Variants in FTCDNL1 observed in about 807,000 individuals in gnomAD.
FTCDNL1 encodes formiminotransferase cyclodeaminase N-terminal like.
FTCDNL1 carries 11 observed loss-of-function variants against 5.9 expected under a neutral mutation model. That is an observed-to-expected ratio of 1.87 (90% CI 1.18 to 3.10). The LOEUF (loss-of-function observed/expected upper bound fraction) is 3.10, where lower values mean the gene tolerates loss of function less well. Among genes scored for constraint, FTCDNL1 ranks in the 30% most tolerant of loss-of-function variants. The pLI, the probability that FTCDNL1 is intolerant of heterozygous loss-of-function variation, is 0.00. For synonymous variants in FTCDNL1, 58 were observed against 24.8 expected (o/e 2.34, Z -3.99); for missense variants, 115 against 65.5 (o/e 1.76, Z -2.61).
intron 3 of FTCDNL1, among the ~76,000 whole-genome samples, chr2:199,798,638 C>G (rs12693901): frequency 0.65 from 98,063 of 152,004 alleles, 32,730 homozygotes; most frequent in East Asian, 0.85. Context: ...GTGAGCGGCA[C>G]AGAGAGATCA....
intron 3 of FTCDNL1, among the ~76,000 whole-genome samples, chr2:199,835,969 C>T (rs1574663621): frequency 1.3e-5 from 2 of 152,254 alleles, no homozygotes; most frequent in South Asian, 2.1e-4. Context: ...TCTTAAGAGA[C>T]CTTTTACCTA....
At chr2:199,705,251 T>G in the FTCDNL1 span, among the ~76,000 whole-genome samples, 122 of 152,270 alleles carry the variant, frequency 8.0e-4, 2 homozygotes, top group South Asian at 0.021. Context: ...TAAAAGAACA[T>G]AAGTACTATG....
intron 3 of FTCDNL1, among the ~76,000 whole-genome samples, chr2:199,799,995 T>C (rs1700363672): frequency 6.6e-6 from 1 of 151,972 alleles, no homozygotes; most frequent in South Asian, 2.1e-4. Flanking sequence ...CCATGGAGGT[T>C]ACAGGATAAT....
chr2:199,841,227 GA>G (rs1362599801), intron 3 of FTCDNL1, among the ~76,000 whole-genome samples: 1 of 151,346 alleles, frequency 6.6e-6, no homozygotes, highest in Non-Finnish European at 1.5e-5. Flanking sequence ...AGTTTTTATA[GA>G]AAATGAAAAC....
the FTCDNL1 span, among the ~76,000 whole-genome samples, chr2:199,724,223 T>C: frequency 6.6e-6 from 1 of 152,204 alleles, no homozygotes; most frequent in Non-Finnish European, 1.5e-5. Context: ...GTGGGGTCAG[T>C]GGTGATATCC....
chr2:199,724,706 T>G, the FTCDNL1 span, among the ~76,000 whole-genome samples: 2 of 152,222 alleles, frequency 1.3e-5, no homozygotes, highest in Middle Eastern at 3.2e-3. Flanking sequence ...TGTGAGTTTT[T>G]AAATCTTGAG....
chr2:199,836,999 G>A (rs934628488), intron 3 of FTCDNL1, among the ~76,000 whole-genome samples: 1 of 152,210 alleles, frequency 6.6e-6, no homozygotes, highest in Non-Finnish European at 1.5e-5. Flanking sequence ...GCCACAGTAA[G>A]AGAAAAGAGT....
chr2:199,830,706 C>T (rs1003990723), intron 3 of FTCDNL1, among the ~76,000 whole-genome samples: 3 of 152,106 alleles, frequency 2.0e-5, no homozygotes, highest in African/African-American at 7.2e-5. Context: ...AACAAAGCGA[C>T]CGCAATATTC....
chr2:199,781,720 G>A (rs1260041698), intron 3 of FTCDNL1, among the ~76,000 whole-genome samples: 1 of 152,066 alleles, frequency 6.6e-6, no homozygotes, highest in African/African-American at 2.4e-5. Context: ...TACATATTTG[G>A]CAGACAAAAT....
the FTCDNL1 span, among the ~76,000 whole-genome samples, chr2:199,711,497 G>C: frequency 2.6e-5 from 4 of 152,134 alleles, no homozygotes; most frequent in African/African-American, 9.6e-5. Context: ...TTTTCCCTCA[G>C]GAGTCTTTGT....
chr2:199,809,273 AATAGAG>A lies in FTCDNL1; in HGVS notation c.*3426_*3431del, dbSNP rs932950514. On this transcript the variant is annotated 3_prime_UTR_variant, in exon 5 of 5. Transcript: ENST00000420128. ...TTTTTTTTTTAACTTTTTTTTTTCT[AATAGAG>A]ATAGTCTCACTACATTGACCAAGCT... Among the ~76,000 whole-genome samples, 2 of 149,938 alleles carry A rather than the reference AATAGAG, an allele frequency of 1.3e-5. No homozygotes were observed. Among genetic ancestry groups the A allele is most frequent in the Non-Finnish European group, 3.0e-5 (2 of 67,574 alleles).
intron 3 of FTCDNL1, among the ~76,000 whole-genome samples, chr2:199,834,628 T>G (rs1702593286): frequency 6.6e-6 from 1 of 152,108 alleles, no homozygotes; most frequent in African/African-American, 2.4e-5. Flanking sequence ...CCGCCAATAC[T>G]AGTTTGATCA....
chr2:199,771,431 C>A (rs1488197813), intron 3 of FTCDNL1, among the ~76,000 whole-genome samples: 1 of 152,146 alleles, frequency 6.6e-6, no homozygotes, highest in African/African-American at 2.4e-5. Flanking sequence ...GCATTAGCTG[C>A]TGATTTAAAT....
the FTCDNL1 span, among the ~76,000 whole-genome samples, chr2:199,673,182 T>C: frequency 6.7e-6 from 1 of 148,816 alleles, no homozygotes; most frequent in East Asian, 2.3e-4. Context: ...ACAAAAATTA[T>C]CTGGGTGTGG....
At chr2:199,785,969 C>T (rs1027697031) in intron 3 of FTCDNL1, among the ~76,000 whole-genome samples, 1 of 152,118 alleles carries the variant, frequency 6.6e-6, no homozygotes, top group Non-Finnish European at 1.5e-5. Context: ...GAGCACACAG[C>T]CTATATCCCC....
At chr2:199,693,280 T>C in the FTCDNL1 span, among the ~76,000 whole-genome samples, 1 of 152,206 alleles carries the variant, frequency 6.6e-6, no homozygotes, top group Non-Finnish European at 1.5e-5. Context: ...TAGAAAACAC[T>C]GTTATATGCA....
the FTCDNL1 span, among the ~76,000 whole-genome samples, chr2:199,666,677 G>T: frequency 1.3e-5 from 2 of 152,122 alleles, no homozygotes; most frequent in African/African-American, 4.8e-5. Context: ...AGCACTTTGG[G>T]AGGCCGAGGT....
chr2:199,688,691 C>T, the FTCDNL1 span, among the ~76,000 whole-genome samples: 1 of 152,196 alleles, frequency 6.6e-6, no homozygotes, highest in African/African-American at 2.4e-5. Flanking sequence ...GAGAAAGATT[C>T]AGTTTTTTAT....
At chr2:199,836,698 C>G (rs1702767788) in intron 3 of FTCDNL1, among the ~76,000 whole-genome samples, 1 of 152,014 alleles carries the variant, frequency 6.6e-6, no homozygotes, top group Non-Finnish European at 1.5e-5. Flanking sequence ...TCTGGAAGGT[C>G]AAGGCTACAG....
Sources: gnomAD v4.1 joint callset for allele counts (sites outside exome capture counted in the v4.1 genomes callset) on GRCh38, gnomAD v4.1.1 for gene constraint, MANE v1.5 for transcripts, NCBI Gene and HGNC (gene_info 2026-07-23, HGNC 2026-07-21) for gene names.